The following PGM1 variants were observed in gnomAD, a reference collection of about 807,000 sequenced individuals.
PGM1 encodes phosphoglucomutase 1.
In PGM1, 52 loss-of-function variants were observed where a neutral mutation model predicts 55.6. The observed-to-expected ratio is 0.94, with a 90% confidence interval of 0.75 to 1.18. The LOEUF (loss-of-function observed/expected upper bound fraction) is 1.18. Among genes scored for constraint, PGM1 ranks in the 50% most tolerant of loss-of-function variants. The probability of loss-of-function intolerance (pLI) is 0.00; values close to 1 mark genes in which losing one functional copy is unlikely to be tolerated. For synonymous variants in PGM1, 287 were observed against 271.7 expected (o/e 1.06, Z -0.55); for missense variants, 724 against 729.3 (o/e 0.99, Z 0.08).
At position 63,611,291 on chromosome 1, in the gene PGM1, G is replaced by C. The variant is rs184354954; in HGVS notation, c.246+17557G>C. On this transcript the variant is annotated intron_variant, in intron 1 of 10. Transcript: ENST00000371084. ...GGAAGCCAGGAAAAAGTGTAGACATGGGGGTATGAAGAAGACATTCTGTGT... is the reference window on the plus strand; with the variant it reads ...GGAAGCCAGGAAAAAGTGTAGACATCGGGGTATGAAGAAGACATTCTGTGT... 6.6e-5 allele frequency among the ~76,000 whole-genome samples: 10 copies of C among 152,124 alleles called. No homozygotes were observed. In the East Asian group the frequency reaches 1.7e-3, roughly 27 times the overall value.
chr1:63,645,092 A>G (rs1409027744), intron 7 of PGM1, among the ~76,000 whole-genome samples: 1 of 152,214 alleles, frequency 6.6e-6, no homozygotes, highest in Non-Finnish European at 1.5e-5. Context: ...AATTACCTGG[A>G]ATTTTTGATA....
intron 1 of PGM1, among the ~76,000 whole-genome samples, chr1:63,611,579 G>C (rs1648566968): frequency 6.6e-6 from 1 of 152,146 alleles, no homozygotes; most frequent in African/African-American, 2.4e-5. Flanking sequence ...TGAGGGAAGG[G>C]AGGATTTTGG....
intron 1 of PGM1, among the ~76,000 whole-genome samples, chr1:63,624,301 A>G (rs1402853083): frequency 6.6e-6 from 1 of 152,192 alleles, no homozygotes; most frequent in Non-Finnish European, 1.5e-5. Context: ...GACCTGTTAC[A>G]GGGGCACCTG....
chr1:63,631,850 A>G, intron 4 of PGM1, 68 bp downstream of exon 4: 1 of 1,452,268 alleles, frequency 6.9e-7, no homozygotes, highest in Non-Finnish European at 9.7e-7. Context: ...TGTGTGTATC[A>G]TGATGCTTCA....
At chr1:63,611,818 G>A (rs939218896) in intron 1 of PGM1, among the ~76,000 whole-genome samples, 2 of 152,062 alleles carry the variant, frequency 1.3e-5, no homozygotes, top group African/African-American at 2.4e-5. Context: ...CAGGAGAATC[G>A]CTTGAACCAG....
intron 1 of PGM1, among the ~76,000 whole-genome samples, chr1:63,624,085 A>G (rs369221678): frequency 6.6e-5 from 10 of 152,312 alleles, no homozygotes; most frequent in African/African-American, 2.4e-4. Context: ...ACTAGCTTCA[A>G]GGGGCACCCT....
chr1:63,593,843 C>G (rs1647950209), intron 1 of PGM1, 109 bp downstream of exon 1: 6 of 1,306,318 alleles, frequency 4.6e-6, no homozygotes, highest in South Asian at 4.5e-5. Context: ...GCTGCCGCCT[C>G]GGTTTCCACC....
At position 63,659,996 on chromosome 1, in the gene PGM1, G is replaced by A; in HGVS notation, c.*321G>A. 1 of 447,646 alleles carries A rather than the reference G, an allele frequency of 2.2e-6. No homozygotes were observed. Among genetic ancestry groups the A allele is most frequent in the Non-Finnish European group, 4.2e-6 (1 of 240,888 alleles). 27.7% of individuals were successfully genotyped at this position (447,646 alleles called of 1,614,324 possible). A position where few individuals can be genotyped will look rare whatever the true frequency, so the allele number is the denominator to read the frequency against. On this transcript the variant is annotated 3_prime_UTR_variant, in exon 11 of 11. Transcript: ENST00000371084. ...GTAAGCTATAGGTGGAGCATCAGCAGTGAGTGAGGCCATTCTTCATCCTTA... is the reference window on the plus strand; with the variant it reads ...GTAAGCTATAGGTGGAGCATCAGCAATGAGTGAGGCCATTCTTCATCCTTA...
At position 63,629,417 on chromosome 1, in the gene PGM1, TCTC is replaced by T. The variant is rs779259260; in HGVS notation, c.247-5_247-3del. 6 of 1,612,362 alleles carry T rather than the reference TCTC, an allele frequency of 3.7e-6. No homozygotes were observed. In the Admixed American group the frequency reaches 6.7e-5, roughly 18 times the overall value. ...GTTAAAGAGTGTGTTCTGGATTTCT[TCTC>T]CTAGATCGGTCGCTTGGTTATCGGA... On this transcript the variant is annotated splice_region_variant and splice_polypyrimidine_tract_variant and intron_variant, in intron 1 of 10. Transcript: ENST00000371084.
chr1:63,633,744 T>C (rs1649259821), intron 4 of PGM1, among the ~76,000 whole-genome samples: 1 of 150,698 alleles, frequency 6.6e-6, no homozygotes, highest in Non-Finnish European at 1.5e-5. Context: ...CTCAGCTCAC[T>C]GTAACCTCCG....
intron 7 of PGM1, 113 bp from the exon 8 acceptor site, chr1:63,648,404 C>T: frequency 2.6e-6 from 3 of 1,139,238 alleles, no homozygotes; most frequent in South Asian, 1.3e-5. Flanking sequence ...CCCATCACGT[C>T]CCTCCCTCAA....
chr1:63,635,480 T>G (rs1649338785), intron 5 of PGM1, among the ~76,000 whole-genome samples: 1 of 152,192 alleles, frequency 6.6e-6, no homozygotes, highest in African/African-American at 2.4e-5. Flanking sequence ...AATTAACATT[T>G]TAATCATTCT....
intron 1 of PGM1, among the ~76,000 whole-genome samples, chr1:63,626,261 T>C (rs573445652): frequency 2.6e-5 from 4 of 152,328 alleles, no homozygotes; most frequent in Non-Finnish European, 5.9e-5. Context: ...TATGGTTCCC[T>C]GGCATTAATT....
rs1213746598 is a variant in PGM1, at chr1:63,654,388, T to C, written c.1521T>C (p.Thr507=). The stretch of plus-strand genomic sequence containing the variant: ...GAATCGTCTTCCGACTGAGCGGCAC[T>C]GGGAGTGCCGGGGCCACCATTCGGC... The part of the protein sequence containing the change: ...GSRIVFRLSG[T]GSAGATIRLY... Residue 507 remains threonine, a synonymous_variant, in exon 10 of 11, where the codon ACT becomes ACC. Coordinates refer to ENST00000371084, the MANE Select transcript of PGM1 (RefSeq NM_002633.3). The C allele has an allele frequency of 1.2e-6, 2 of 1,613,932 alleles. No individual in the cohort carries two copies. The highest frequency in any genetic ancestry group is 1.7e-5 in the Admixed American group (1 of 60,010).
chr1:63,649,787 A>G (rs537753840), intron 8 of PGM1, among the ~76,000 whole-genome samples: 2 of 152,348 alleles, frequency 1.3e-5, no homozygotes, highest in East Asian at 3.9e-4. Flanking sequence ...CTGGGAACCA[A>G]GGCAAAAAAA....
At position 63,642,914 on chromosome 1, in the gene PGM1, A is replaced by G. The variant is rs1162903978; in HGVS notation, c.1144+4114A>G. Among the ~76,000 whole-genome samples the G allele has an allele frequency of 2.6e-5, 4 of 152,206 alleles. No individual in the cohort carries two copies. In the East Asian group the frequency reaches 5.8e-4, roughly 22 times the overall value. The stretch of plus-strand genomic sequence containing the variant: ...ATTGAACTTTGATTTTATCCTGGAT[A>G]CTGAGTTAGACTCTGGGACACATGG... On this transcript the variant is annotated intron_variant, in intron 7 of 10. Coordinates refer to ENST00000371084, the MANE Select transcript of PGM1 (RefSeq NM_002633.3).
chr1:63,622,807 A>C (rs928000709), intron 1 of PGM1, among the ~76,000 whole-genome samples: 2 of 152,236 alleles, frequency 1.3e-5, no homozygotes, highest in African/African-American at 4.8e-5. Flanking sequence ...TGTGTGAAGT[A>C]AAAATAATTT....
At chr1:63,647,113 G>A (rs1363505114) in intron 7 of PGM1, among the ~76,000 whole-genome samples, 1 of 151,392 alleles carries the variant, frequency 6.6e-6, no homozygotes, top group Non-Finnish European at 1.5e-5. Flanking sequence ...CATGGTGGCG[G>A]GCACCTATAA....
At chr1:63,619,802 C>T (rs967625723) in intron 1 of PGM1, among the ~76,000 whole-genome samples, 9 of 152,152 alleles carry the variant, frequency 5.9e-5, no homozygotes, top group African/African-American at 2.2e-4. Flanking sequence ...TGGCTCCTTT[C>T]TGATGTGAAC....
Sources: allele counts gnomAD v4.1 joint callset (sites outside exome capture counted in the v4.1 genomes callset), GRCh38; gene constraint gnomAD v4.1.1; transcripts MANE v1.5; gene names NCBI Gene and HGNC (gene_info 2026-07-23, HGNC 2026-07-21).